SPOP: variants seen among roughly 807,000 people sequenced by gnomAD.
The protein encoded by SPOP is speckle-type POZ protein.
SPOP carries 11 observed loss-of-function variants against 45.6 expected under a neutral mutation model. That is an observed-to-expected ratio of 0.24 (90% CI 0.15 to 0.40). SPOP has a LOEUF of 0.40. SPOP is among the 10% of genes least tolerant of loss of function. The pLI is 1.00. For synonymous variants in SPOP, 166 were observed against 166.3 expected, an observed-to-expected ratio of 1.00 and a Z score of 0.01; for missense variants, 152 against 465.6, an observed-to-expected ratio of 0.33 and a Z score of 6.20.
chr17:49,620,741 A>C (rs2143287972), intron 3 of SPOP: 1 of 154,256 alleles, frequency 6.5e-6, no homozygotes, highest in Admixed American at 6.5e-5. Flanking sequence ...CATTAGTCAA[A>C]TGCATGGGTT....
rs1036876152 is a variant in SPOP at position 49,629,313 on chromosome 17, G to T, written c.-66-6437C>A. On this transcript the variant is annotated intron_variant, in intron 1 of 9. Transcript: ENST00000504102. ...GCATTCAAGTTCATTAAGTTTTCTGGTTTTTTTTCACATATCTCTAAAACA... is the reference window on the plus strand; with the variant it reads ...GCATTCAAGTTCATTAAGTTTTCTGTTTTTTTTTCACATATCTCTAAAACA... Among the ~76,000 whole-genome samples the T allele has an allele frequency of 6.6e-5, 10 of 151,872 alleles. No individual in the cohort carries two copies. The East Asian group carries it at 7.7e-4, about 12-fold the overall frequency.
At chr17:49,650,616 A>C (rs1567796142) in intron 1 of SPOP, among the ~76,000 whole-genome samples, 1 of 152,198 alleles carries the variant, frequency 6.6e-6, no homozygotes, top group African/African-American at 2.4e-5. Context: ...AATAAGTAGA[A>C]AAACAAAAAG....
At position 49,619,512 on chromosome 17, in the gene SPOP, G is replaced by C; in HGVS notation, c.201-127C>G. The C allele has an allele frequency of 9.3e-7, 1 of 1,070,920 alleles. No homozygotes were observed. The highest frequency in any genetic ancestry group is 1.3e-6 in the Non-Finnish European group (1 of 764,160). 66.3% of individuals were successfully genotyped at this position (1,070,920 alleles called of 1,614,324 possible). A position where few individuals can be genotyped will look rare whatever the true frequency, so the allele number is the denominator to read the frequency against. On this transcript the variant is annotated intron_variant, in intron 3 of 9. Coordinates refer to ENST00000504102, the MANE Select transcript of SPOP (RefSeq NM_001007228.2). This position sits in a 1 kb window ranked among gnomAD's most constrained non-coding sequence, Gnocchi z 4.9. Reference sequence around the variant, plus strand: ...CCCCATAGAAGAATATAATTCAGTAGAATGACTAGTTGGGAACAACTTTTT... The same window carrying C: ...CCCCATAGAAGAATATAATTCAGTACAATGACTAGTTGGGAACAACTTTTT...
At chr17:49,608,466 GA>G (rs1241034876) in intron 6 of SPOP, among the ~76,000 whole-genome samples, 1 of 151,976 alleles carries the variant, frequency 6.6e-6, no homozygotes, top group Non-Finnish European at 1.5e-5. Context: ...TTGCCCCAAA[GA>G]GGTGGGGGGG....
At chr17:49,670,367 G>A (rs2073121414) in intron 1 of SPOP, among the ~76,000 whole-genome samples, 1 of 152,202 alleles carries the variant, frequency 6.6e-6, no homozygotes, top group Non-Finnish European at 1.5e-5. Flanking sequence ...AAACAGGTGT[G>A]CTTCCCTGAA....
At chr17:49,627,002 A>G (rs2072346074) in intron 1 of SPOP, among the ~76,000 whole-genome samples, 2 of 152,046 alleles carry the variant, frequency 1.3e-5, no homozygotes, top group South Asian at 4.2e-4. Context: ...GGCACCCGCC[A>G]CCATGCCCAG....
At chr17:49,642,378 T>C (rs1405479091) in intron 1 of SPOP, among the ~76,000 whole-genome samples, 6 of 151,904 alleles carry the variant, frequency 3.9e-5, no homozygotes, top group Admixed American at 3.9e-4. Context: ...TAAAAACCCA[T>C]CTCTACCAAA....
chr17:49,605,034 T>G (rs1212198675), intron 8 of SPOP, among the ~76,000 whole-genome samples: 1 of 152,204 alleles, frequency 6.6e-6, no homozygotes, highest in African/African-American at 2.4e-5. Flanking sequence ...GTATTTTTCA[T>G]AAGACTTTCC....
At chr17:49,629,711 G>T (rs2072412726) in intron 1 of SPOP, among the ~76,000 whole-genome samples, 1 of 152,168 alleles carries the variant, frequency 6.6e-6, no homozygotes, top group Admixed American at 6.5e-5. Flanking sequence ...CAGACAGCTT[G>T]TGCAGTCACT....
chr17:49,659,438 A>T (rs1321338789), intron 1 of SPOP, among the ~76,000 whole-genome samples: 1 of 152,134 alleles, frequency 6.6e-6, no homozygotes, highest in East Asian at 1.9e-4. Flanking sequence ...TTTATATCTC[A>T]AAGTTATCTT....
intron 1 of SPOP, chr17:49,646,019 A>G (rs1275458180): frequency 6.6e-6 from 1 of 152,228 alleles, no homozygotes; most frequent in African/African-American, 2.4e-5. Flanking sequence ...GAAAAAACAC[A>G]TAAAAAGTAC....
intron 1 of SPOP, among the ~76,000 whole-genome samples, chr17:49,677,336 T>C (rs2073212510): frequency 6.6e-6 from 1 of 152,224 alleles, no homozygotes. Flanking sequence ...AGGGTCAGTG[T>C]GGGACACGCT....
intron 5 of SPOP, among the ~76,000 whole-genome samples, chr17:49,615,228 T>C (rs1429893996): frequency 6.6e-6 from 1 of 152,192 alleles, no homozygotes. Context: ...TTAATTAGTG[T>C]CTGGATATTT....
At chr17:49,653,967 T>C (rs1354910348) in intron 1 of SPOP, among the ~76,000 whole-genome samples, 1 of 152,086 alleles carries the variant, frequency 6.6e-6, no homozygotes, top group Non-Finnish European at 1.5e-5. Flanking sequence ...GGAGAGTAGG[T>C]GAGCAACTTG....
At chr17:49,628,800 G>A (rs1469298492) in intron 1 of SPOP, among the ~76,000 whole-genome samples, 4 of 152,044 alleles carry the variant, frequency 2.6e-5, no homozygotes, top group South Asian at 2.1e-4. Flanking sequence ...CTGAACCTAC[G>A]GTGCACTTCT....
At chr17:49,647,467 A>T (rs1404335296) in intron 1 of SPOP, among the ~76,000 whole-genome samples, 3 of 149,432 alleles carry the variant, frequency 2.0e-5, no homozygotes, top group Admixed American at 6.7e-5. Context: ...AATTATTTTT[A>T]TTTTTTTTAA....
intron 1 of SPOP, among the ~76,000 whole-genome samples, chr17:49,665,694 A>ACACACACACACACACACACACC (rs1225412700): frequency 7.0e-6 from 1 of 142,080 alleles, no homozygotes; most frequent in Non-Finnish European, 1.5e-5. Flanking sequence ...ACACACACAC[A>ACACACACACACACACACACACC]CCAATCTGGC....
intron 8 of SPOP, among the ~76,000 whole-genome samples, chr17:49,602,789 T>C (rs1036509481): frequency 2.0e-5 from 3 of 152,188 alleles, no homozygotes; most frequent in African/African-American, 7.2e-5. Flanking sequence ...GTTTAAAAAC[T>C]TGTATTTTCT....
intron 1 of SPOP, chr17:49,646,598 A>G (rs1191826712): frequency 1.3e-5 from 2 of 152,252 alleles, no homozygotes; most frequent in East Asian, 3.9e-4. Context: ...AGGATTTCCA[A>G]GGTCCTTTCC....
Sources: allele counts gnomAD v4.1 joint callset (sites outside exome capture counted in the v4.1 genomes callset), GRCh38; gene constraint gnomAD v4.1.1; non-coding constraint Gnocchi (gnomAD v3.1); transcripts MANE v1.5; gene names NCBI Gene and HGNC (gene_info 2026-07-23, HGNC 2026-07-21).